Variants in MASTL observed in about 807,000 individuals in gnomAD.
MASTL encodes microtubule associated serine/threonine kinase like.
Under a neutral mutation model 82.5 loss-of-function variants are expected in MASTL, and 54 were observed. The observed-to-expected ratio is 0.65, with a 90% CI of 0.53 to 0.82. The LOEUF (loss-of-function observed/expected upper bound fraction) is 0.82, where lower values mean the gene tolerates loss of function less well. Among genes scored for constraint, MASTL ranks in the 40% least tolerant of loss-of-function variants. The pLI is 0.00. For missense variants in MASTL, 950 were observed against 1,047.8 expected (o/e 0.91, Z 1.29); for synonymous variants, 323 against 368.9 (o/e 0.88, Z 1.43).
intron 1 of MASTL, 107 bp downstream of exon 1, chr10:27,155,719 G>T (rs1234979316): frequency 6.9e-6 from 9 of 1,303,042 alleles, no homozygotes; most frequent in Non-Finnish European, 1.1e-6. Context: ...AGTCTGGGTG[G>T]CCTGGCTTGC....
At position 27,158,538 on chromosome 10, in the gene MASTL, A is replaced by C. The variant is rs764294767; in HGVS notation, c.187-11A>C. ...AATAACATGATATCACTTTTATTTT[A>C]TCTATTACAGGTTGTTAAAAAAGCA... is the stretch of plus-strand genomic sequence containing the variant. On this transcript the variant is annotated splice_polypyrimidine_tract_variant and intron_variant, in intron 1 of 11. Transcript: ENST00000375940. The C allele has an allele frequency of 6.4e-7, 1 of 1,572,666 alleles. No individual in the cohort carries two copies. Among genetic ancestry groups the C allele is most frequent in the Admixed American group, 1.7e-5 (1 of 59,960 alleles).
intron 9 of MASTL, among the ~76,000 whole-genome samples, chr10:27,180,414 CAG>C (rs1444235915): frequency 4.0e-5 from 6 of 151,598 alleles, no homozygotes; most frequent in African/African-American, 9.7e-5. Flanking sequence ...TTTTTTGAGA[CAG>C]AGTCTTGCTC....
intron 4 of MASTL, 126 bp from the exon 5 acceptor site, chr10:27,164,938 A>C: frequency 1.4e-6 from 1 of 691,988 alleles, no homozygotes. Context: ...GTGCCCAGCC[A>C]CTGTCTCCTT....
Position 27,181,022 on chromosome 10 carries a change from A to G in MASTL, c.2336A>G (p.Asn779Ser), listed in dbSNP as rs769246953. The G allele has an allele frequency of 9.9e-6, 16 of 1,612,630 alleles. No homozygotes were observed. In the Admixed American group the frequency reaches 1.8e-4, roughly 18 times the overall value. Residue 779 changes from asparagine to serine, a missense_variant, in exon 10 of 12, where the codon AAT becomes AGT. By Grantham distance (46) the Asn-to-Ser change is conservative (BLOSUM62 1). Transcript: ENST00000375940. ...FEFLTGIPPF[N>S]DETPQQVFQN... Reference sequence around the variant, plus strand: ...TTTCTAACAGGAATTCCCCCTTTCAATGATGAAACACCACAACAAGTATTC... The same window carrying G: ...TTTCTAACAGGAATTCCCCCTTTCAGTGATGAAACACCACAACAAGTATTC...
intron 9 of MASTL, among the ~76,000 whole-genome samples, chr10:27,174,277 C>T (rs542417089): frequency 3.0e-4 from 45 of 152,044 alleles, no homozygotes; most frequent in African/African-American, 1.1e-3. Flanking sequence ...ATTGCTTGAA[C>T]CTGGGAGGCC....
In MASTL at chr10:27,159,687, G is replaced by T. The variant is rs778486290; in HGVS notation, c.393G>T (p.Glu131Asp). Residue 131 changes from glutamate to aspartate, a missense_variant, in exon 3 of 12, where the codon GAG becomes GAT. Coordinates refer to ENST00000375940, the MANE Select transcript of MASTL (RefSeq NM_001172303.3). This position sits in a 1 kb window ranked among gnomAD's most constrained non-coding sequence, Gnocchi z 4.0. Reference protein sequence around the residue: ...LLHIYGYFDEEMAVKYISEVA... With the variant: ...LLHIYGYFDEDMAVKYISEVA... ...ATATATATGGTTATTTTGATGAAGAGATGGCTGTGAAATATATTTCTGAAG... is the reference window on the plus strand; with the variant it reads ...ATATATATGGTTATTTTGATGAAGATATGGCTGTGAAATATATTTCTGAAG... The T allele has an allele frequency of 3.1e-6, 5 of 1,595,312 alleles. No homozygotes were observed. The South Asian group carries it at 4.4e-5, about 14-fold the overall frequency.
intron 1 of MASTL, among the ~76,000 whole-genome samples, chr10:27,155,827 C>T (rs2057346843): frequency 6.6e-6 from 1 of 152,158 alleles, no homozygotes; most frequent in African/African-American, 2.4e-5. Context: ...CTCCATATCT[C>T]AGATGCCCAG....
At position 27,170,048 on chromosome 10, in the gene MASTL, G is replaced by A. The variant is rs1216036888; in HGVS notation, c.1089G>A (p.Lys363=). The change falls in exon 8 of 12, where the codon AAG becomes AAA. Residue 363 remains lysine, a synonymous_variant. Coordinates refer to ENST00000375940, the MANE Select transcript of MASTL (RefSeq NM_001172303.3). ...NAIETKGFNK[K]DLELALSPIH... Reference sequence around the variant, plus strand: ...TTGAGACGAAAGGTTTCAATAAAAAGGATCTGGAGTTAGCTCTTTCTCCCA... The same window carrying A: ...TTGAGACGAAAGGTTTCAATAAAAAAGATCTGGAGTTAGCTCTTTCTCCCA... 6.2e-7 allele frequency: 1 copy of A among 1,614,066 alleles called. No individual in the cohort carries two copies. Among genetic ancestry groups the A allele is most frequent in the Non-Finnish European group, 8.5e-7 (1 of 1,180,036 alleles).
In MASTL at chr10:27,155,417, C is replaced by G. The variant is rs983370247; in HGVS notation, c.-10C>G. On this transcript the variant is annotated 5_prime_UTR_variant, in exon 1 of 12. Coordinates refer to ENST00000375940, the MANE Select transcript of MASTL (RefSeq NM_001172303.3). ...GCAGTGTCTGCGGGGCCGCTGTATGCTGTCCAGCGATGGATCCCACCGCGG... is the reference window on the plus strand; with the variant it reads ...GCAGTGTCTGCGGGGCCGCTGTATGGTGTCCAGCGATGGATCCCACCGCGG... 5 of 1,602,162 alleles carry G rather than the reference C, an allele frequency of 3.1e-6. No homozygotes were observed. In the African/African-American group the frequency reaches 6.7e-5, roughly 21 times the overall value.
chr10:27,155,567 G>A lies in MASTL; in HGVS notation c.141G>A (p.Gly47=). ...AGCCCATTAGCCGGGGCGCCTTCGG[G>A]AAAGTGTATCTGGGGCAGAAAGGCG... The part of the protein sequence containing the change: ...IVKPISRGAF[G]KVYLGQKGGK... The change falls in exon 1 of 12, where the codon GGG becomes GGA. Residue 47 remains glycine, a synonymous_variant. Coordinates refer to ENST00000375940, the MANE Select transcript of MASTL (RefSeq NM_001172303.3). 1.2e-6 allele frequency: 2 copies of A among 1,614,160 alleles called. No homozygotes were observed. Among genetic ancestry groups the A allele is most frequent in the Non-Finnish European group, 1.7e-6 (2 of 1,179,988 alleles).
At chr10:27,161,511 A>ATC in intron 4 of MASTL, among the ~76,000 whole-genome samples, 1 of 149,286 alleles carries the variant, frequency 6.7e-6, no homozygotes, top group East Asian at 2.0e-4. Context: ...TCTCTCTCAA[A>ATC]AAAAAAAAAG....
intron 2 of MASTL, among the ~76,000 whole-genome samples, chr10:27,158,976 GATCAC>G (rs2135965310): frequency 6.6e-6 from 1 of 152,370 alleles, no homozygotes; most frequent in South Asian, 2.1e-4. Flanking sequence ...GAGACAGAAA[GATCAC>G]TTGAGGCCAA....
intron 4 of MASTL, among the ~76,000 whole-genome samples, chr10:27,163,132 G>C (rs562300928): frequency 1.3e-5 from 2 of 152,178 alleles, no homozygotes; most frequent in African/African-American, 4.8e-5. Flanking sequence ...GGCCAGGCTG[G>C]TCTCGAGCTC....
chr10:27,160,335 C>T lies in MASTL; in HGVS notation c.464+577C>T, dbSNP rs146322259. ...TATGTGAAGAGTATTGAATCCTTTC[C>T]GCTCCTCTGCATTATACAAAAGTGG... On this transcript the variant is annotated intron_variant, in intron 3 of 11. Transcript: ENST00000375940. Among the ~76,000 whole-genome samples the T allele has an allele frequency of 1.4e-4, 21 of 151,944 alleles. No individual in the cohort carries two copies. In the East Asian group the frequency reaches 2.7e-3, roughly 20 times the overall value.
At chr10:27,161,667 A>C (rs1365756405) in intron 4 of MASTL, among the ~76,000 whole-genome samples, 1 of 152,228 alleles carries the variant, frequency 6.6e-6, no homozygotes, top group African/African-American at 2.4e-5. Flanking sequence ...CTAGAAAGGT[A>C]TAACGGGTTC....
At chr10:27,166,773 C>G (rs1022880660) in intron 6 of MASTL, among the ~76,000 whole-genome samples, 18 of 152,126 alleles carry the variant, frequency 1.2e-4, no homozygotes, top group Non-Finnish European at 2.1e-4. Context: ...ATTAGTCAAT[C>G]AATCGACCAT....
In MASTL at chr10:27,169,929, T is replaced by C. The variant is rs545742347; in HGVS notation, c.985-15T>C. 4.1e-4 allele frequency: 660 copies of C among 1,613,604 alleles called. 8 individuals carry two copies. The South Asian group carries it at 6.9e-3, about 17-fold the overall frequency. ...AGCTTTATATAACTAAAACAAATAT[T>C]TTTTTCCCTCTTAGGAAAGTGATGA... On this transcript the variant is annotated splice_polypyrimidine_tract_variant and intron_variant, in intron 7 of 11. Transcript: ENST00000375940.
At chr10:27,172,775 C>T (rs1265979827) in intron 8 of MASTL, among the ~76,000 whole-genome samples, 1 of 147,532 alleles carries the variant, frequency 6.8e-6, no homozygotes, top group Non-Finnish European at 1.5e-5. Context: ...TAGCCATAGC[C>T]TTCCTCAGTG....
At chr10:27,181,817 G>C (rs1179670191) in intron 11 of MASTL, among the ~76,000 whole-genome samples, 1 of 152,094 alleles carries the variant, frequency 6.6e-6, no homozygotes, top group Non-Finnish European at 1.5e-5. Context: ...GCTCAGGCCT[G>C]TAATCCAAGC....
Sources: gnomAD v4.1 joint callset for allele counts (sites outside exome capture counted in the v4.1 genomes callset) on GRCh38, gnomAD v4.1.1 for gene constraint, Gnocchi (gnomAD v3.1) non-coding constraint, MANE v1.5 for transcripts, NCBI Gene and HGNC (gene_info 2026-07-23, HGNC 2026-07-21) for gene names.